CTNNA3: variants seen among roughly 807,000 people sequenced by gnomAD.
CTNNA3 encodes the protein catenin alpha-3.
CTNNA3 carries 76 observed loss-of-function variants against 95.7 expected under a neutral mutation model. That is an observed-to-expected ratio of 0.79 (90% CI 0.66 to 0.96). CTNNA3 has a LOEUF of 0.96. CTNNA3 is among the 40% of genes least tolerant of loss of function. The pLI is 0.00. For synonymous variants in CTNNA3, 431 were observed against 374.4 expected, an observed-to-expected ratio of 1.15 and a Z score of -1.74; for missense variants, 1,191 against 1,089.8, an observed-to-expected ratio of 1.09 and a Z score of -1.31.
intron 6 of CTNNA3, among the ~76,000 whole-genome samples, chr10:67,189,133 C>CA (rs1863000273): frequency 8.3e-6 from 1 of 120,016 alleles, no homozygotes; most frequent in African/African-American, 5.7e-5. Flanking sequence ...AAACAAACAA[C>CA]AACAACAACA....
At chr10:67,672,758 T>C (rs1840461776) in intron 1 of CTNNA3, among the ~76,000 whole-genome samples, 1 of 152,198 alleles carries the variant, frequency 6.6e-6, no homozygotes, top group Non-Finnish European at 1.5e-5. Context: ...TTTTGGTTAC[T>C]GTAGCCTTGT....
chr10:66,713,057 C>G (rs566487279), intron 9 of CTNNA3, among the ~76,000 whole-genome samples: 1 of 152,220 alleles, frequency 6.6e-6, no homozygotes, highest in Admixed American at 6.6e-5. Context: ...AGGGACTTCT[C>G]TAACCTCTCT....
At chr10:66,269,462 T>C (rs1255599572) in intron 13 of CTNNA3, among the ~76,000 whole-genome samples, 1 of 152,210 alleles carries the variant, frequency 6.6e-6, no homozygotes, top group African/African-American at 2.4e-5. Flanking sequence ...TATTTTTTAG[T>C]AAACAGACCA....
chr10:66,484,618 A>G (rs776924375), intron 11 of CTNNA3, among the ~76,000 whole-genome samples: 155 of 152,158 alleles, frequency 1.0e-3, no homozygotes, highest in Non-Finnish European at 1.5e-3. Context: ...CAGAAAAACT[A>G]TATAAATAAA....
At chr10:67,346,693 T>C (rs753892588) in intron 5 of CTNNA3, 13 of 513,508 alleles carry the variant, frequency 2.5e-5, no homozygotes, top group South Asian at 1.4e-4. Context: ...TGGCGATAGA[T>C]GAGAGTTCAT....
intron 7 of CTNNA3, among the ~76,000 whole-genome samples, chr10:67,086,322 G>GA (rs1302260674): frequency 2.0e-5 from 3 of 152,110 alleles, no homozygotes; most frequent in Admixed American, 1.3e-4. Flanking sequence ...GATGCATACA[G>GA]AATATCACTT....
chr10:67,132,996 T>A (rs1048450602), intron 7 of CTNNA3, among the ~76,000 whole-genome samples: 1 of 151,882 alleles, frequency 6.6e-6, no homozygotes, highest in African/African-American at 2.4e-5. Flanking sequence ...TATGTTCTAA[T>A]ATTTGATAGC....
In CTNNA3 at chr10:66,368,738, G is replaced by T. The variant is rs74141459; in HGVS notation, c.1732+10414C>A. On this transcript the variant is annotated intron_variant, in intron 12 of 17. Transcript: ENST00000433211. ...TATAAATAAATAACATAGGGGAGAT[G>T]GCAAGAGAAGTACAATATTTTAACT... 2.7e-3 allele frequency among the ~76,000 whole-genome samples: 405 copies of T among 152,140 alleles called. 2 individuals carry two copies. The highest frequency in any genetic ancestry group is 9.2e-3 in the African/African-American group (381 of 41,510).
intron 5 of CTNNA3, among the ~76,000 whole-genome samples, chr10:67,333,089 A>C (rs1027873852): frequency 1.3e-5 from 2 of 152,206 alleles, no homozygotes; most frequent in African/African-American, 4.8e-5. Context: ...CTGCAATGAA[A>C]AGTGTAAGCA....
chr10:66,122,792 CAAAG>C (rs1464693740), intron 13 of CTNNA3, among the ~76,000 whole-genome samples: 7 of 152,222 alleles, frequency 4.6e-5, no homozygotes, highest in Non-Finnish European at 8.8e-5. Flanking sequence ...TGGCAGCAGA[CAAAG>C]AGAGAGCTTG....
At chr10:67,731,318 G>C (rs1373218423) in intron 1 of CTNNA3, among the ~76,000 whole-genome samples, 5 of 151,934 alleles carry the variant, frequency 3.3e-5, no homozygotes, top group African/African-American at 9.7e-5. Context: ...AGGAGCTCGT[G>C]ACCAGCCTGG....
At chr10:66,167,341 GAAAAACTA>G (rs2131821993) in intron 13 of CTNNA3, among the ~76,000 whole-genome samples, 1 of 152,094 alleles carries the variant, frequency 6.6e-6, no homozygotes, top group East Asian at 1.9e-4. Flanking sequence ...GAAGCAGTTA[GAAAAACTA>G]AATAGTTTAC....
At chr10:67,211,230 C>T (rs74142419) in intron 6 of CTNNA3, among the ~76,000 whole-genome samples, 6,545 of 151,244 alleles carry the variant, frequency 0.043, 181 homozygotes, top group South Asian at 0.088. Flanking sequence ...TTTTTAAAAA[C>T]TTGCTGTGGA....
chr10:66,017,483 T>G (rs2079116360), intron 15 of CTNNA3, among the ~76,000 whole-genome samples: 2 of 152,072 alleles, frequency 1.3e-5, no homozygotes, highest in South Asian at 4.1e-4. Context: ...TATCACAATC[T>G]GAAATATTAT....
intron 1 of CTNNA3, among the ~76,000 whole-genome samples, chr10:67,758,246 T>G (rs898033840): frequency 6.6e-6 from 1 of 150,860 alleles, no homozygotes; most frequent in Admixed American, 6.6e-5. Context: ...CTTAACCACA[T>G]AAAACAATTC....
At chr10:67,511,362 T>C (rs1488057116) in intron 5 of CTNNA3, among the ~76,000 whole-genome samples, 1 of 152,222 alleles carries the variant, frequency 6.6e-6, no homozygotes, top group Non-Finnish European at 1.5e-5. Flanking sequence ...TATTTTGAGA[T>C]ACATTCCATC....
At chr10:66,020,095 T>C (rs535799107) in intron 15 of CTNNA3, among the ~76,000 whole-genome samples, 2 of 152,346 alleles carry the variant, frequency 1.3e-5, no homozygotes, top group African/African-American at 4.8e-5. Flanking sequence ...AAAACCATAG[T>C]TGAATGTAAT....
chr10:66,024,656 T>C (rs1371696411), intron 15 of CTNNA3, among the ~76,000 whole-genome samples: 1 of 152,206 alleles, frequency 6.6e-6, no homozygotes, highest in Non-Finnish European at 1.5e-5. Context: ...AACTGTTTGA[T>C]AATGTAAACA....
In CTNNA3 at chr10:65,914,733, G is replaced by A. The variant is rs2076985544; in HGVS notation, c.*5597C>T. The A allele has an allele frequency of 6.6e-6, 1 of 152,104 alleles. No individual in the cohort carries two copies. Among genetic ancestry groups the A allele is most frequent in the South Asian group, 2.1e-4 (1 of 4,830 alleles). 9.4% of individuals were successfully genotyped at this position (152,104 alleles called of 1,614,324 possible). A position where few individuals can be genotyped will look rare whatever the true frequency, so the allele number is the denominator to read the frequency against. ...GATGGGCTGAAACAGGCATTTCATT[G>A]AAGCTTTCTTCTCCATGGTAATAAA... On this transcript the variant is annotated 3_prime_UTR_variant, in exon 18 of 18. Coordinates refer to ENST00000433211, the MANE Select transcript of CTNNA3 (RefSeq NM_013266.4).
Sources: gnomAD v4.1 joint callset for allele counts (sites outside exome capture counted in the v4.1 genomes callset) on GRCh38, gnomAD v4.1.1 for gene constraint, MANE v1.5 for transcripts, NCBI Gene and HGNC (gene_info 2026-07-23, HGNC 2026-07-21) for gene names.